Variants in THNSL1 observed in about 807,000 individuals in gnomAD.
THNSL1 encodes the protein threonine synthase like 1, also known as threonine synthase-like 1.
In THNSL1, 48 loss-of-function variants were observed where a neutral mutation model predicts 50.4. That is an observed-to-expected ratio of 0.95 (90% CI 0.76 to 1.21). THNSL1 has a LOEUF of 1.21. Among genes scored for constraint, THNSL1 ranks in the 50% most tolerant of loss-of-function variants. The pLI is 0.00. For missense variants in THNSL1, 896 were observed against 871.7 expected (o/e 1.03, Z -0.35); for synonymous variants, 309 against 306.1 (o/e 1.01, Z -0.10).
chr10:24,952,639 C>A, the THNSL1 span: 1 of 518,272 alleles, frequency 1.9e-6, no homozygotes, highest in Middle Eastern at 5.2e-4. The surrounding 1 kb of genome is among the most constrained non-coding windows in gnomAD (Gnocchi z 5.1). Context: ...GCGAAGGCTG[C>A]GTGGGGGATG....
At chr10:24,988,355 T>C in the THNSL1 span, among the ~76,000 whole-genome samples, 2 of 145,318 alleles carry the variant, frequency 1.4e-5, no homozygotes, top group Non-Finnish European at 3.0e-5. Context: ...TATTTATATA[T>C]GTGTATATAT....
At chr10:24,992,455 C>G in the THNSL1 span, among the ~76,000 whole-genome samples, 1 of 152,272 alleles carries the variant, frequency 6.6e-6, no homozygotes, top group Admixed American at 6.5e-5. Context: ...ACAACACTTT[C>G]CTGTGTTGTC....
the THNSL1 span, among the ~76,000 whole-genome samples, chr10:24,988,344 ATATT>A: frequency 2.7e-5 from 4 of 145,636 alleles, no homozygotes; most frequent in East Asian, 7.8e-4. Context: ...GTGTATATAT[ATATT>A]TATATATGTG....
chr10:24,955,776 T>A, the THNSL1 span, among the ~76,000 whole-genome samples: 1 of 151,958 alleles, frequency 6.6e-6, no homozygotes, highest in African/African-American at 2.4e-5. Flanking sequence ...TAAGACCACA[T>A]CACTATAAAA....
upstream of THNSL1, chr10:25,015,993 G>A: frequency 6.4e-7 from 1 of 1,571,962 alleles, no homozygotes; most frequent in Non-Finnish European, 8.6e-7. Flanking sequence ...CCCTGTCCCA[G>A]TATCTCCGTC....
chr10:24,976,295 T>TAGACTCTC, the THNSL1 span, among the ~76,000 whole-genome samples: 1 of 151,964 alleles, frequency 6.6e-6, no homozygotes, highest in South Asian at 2.1e-4. Context: ...AATAAACAAG[T>TAGACTCTC]AGACTCTCAG....
In THNSL1 at chr10:25,024,687, T is replaced by A; in HGVS notation, c.1464T>A (p.Leu488=). The change falls in exon 3 of 3, where the codon CTT becomes CTA. Residue 488 remains leucine (L), a synonymous_variant. Coordinates refer to ENST00000376356, the MANE Select transcript of THNSL1 (RefSeq NM_024838.5). The part of the protein sequence containing the change: ...PQVVYHASAY[L]DLVSQGFISF... The stretch of plus-strand genomic sequence containing the variant: ...TAGTTTATCATGCTTCCGCATATCT[T>A]GATCTTGTTAGTCAAGGATTTATTT... 3.1e-6 allele frequency: 5 copies of A among 1,614,256 alleles called. No individual in the cohort carries two copies. Among genetic ancestry groups the A allele is most frequent in the Non-Finnish European group, 3.4e-6 (4 of 1,180,038 alleles).
chr10:25,008,627 T>A, the THNSL1 span, among the ~76,000 whole-genome samples: 3 of 152,342 alleles, frequency 2.0e-5, no homozygotes, highest in South Asian at 6.2e-4. Context: ...AAACAAAAAC[T>A]AATGCTGTTC....
At chr10:24,964,274 T>C in the THNSL1 span, among the ~76,000 whole-genome samples, 28 of 152,330 alleles carry the variant, frequency 1.8e-4, no homozygotes, top group East Asian at 3.5e-3. Context: ...CTCAGCTGTT[T>C]CCTACTCTGT....
the THNSL1 span, among the ~76,000 whole-genome samples, chr10:24,956,209 G>A: frequency 1.3e-5 from 2 of 151,900 alleles, no homozygotes; most frequent in African/African-American, 4.8e-5. Flanking sequence ...ATGTCGCAGG[G>A]GTTAGGTGTA....
chr10:24,958,553 C>A, the THNSL1 span, among the ~76,000 whole-genome samples: 3 of 152,320 alleles, frequency 2.0e-5, no homozygotes, highest in East Asian at 5.8e-4. Flanking sequence ...CATTAGTATT[C>A]AATTAGCATA....
At chr10:24,988,727 T>C in the THNSL1 span, among the ~76,000 whole-genome samples, 1 of 71,888 alleles carries the variant, frequency 1.4e-5, no homozygotes, top group African/African-American at 5.7e-5. Flanking sequence ...TATATATATA[T>C]TCCTCATTTT....
the THNSL1 span, among the ~76,000 whole-genome samples, chr10:24,956,847 G>T: frequency 2.6e-5 from 4 of 152,134 alleles, no homozygotes; most frequent in Non-Finnish European, 5.9e-5. Flanking sequence ...TCCCACCTGA[G>T]CTCTGCCCCT....
the THNSL1 span, among the ~76,000 whole-genome samples, chr10:24,986,943 T>A: frequency 6.6e-6 from 1 of 152,150 alleles, no homozygotes. Flanking sequence ...TTGGAAAAAA[T>A]TCAGACAGGG....
chr10:24,960,775 A>T, the THNSL1 span, among the ~76,000 whole-genome samples: 1 of 151,648 alleles, frequency 6.6e-6, no homozygotes, highest in African/African-American at 2.4e-5. Context: ...TTTTTAATGG[A>T]GACAGGGTCT....
At chr10:24,953,892 T>C in the THNSL1 span, among the ~76,000 whole-genome samples, 1 of 152,232 alleles carries the variant, frequency 6.6e-6, no homozygotes, top group African/African-American at 2.4e-5. Context: ...GCTCTTCATG[T>C]CGTTTCTAAG....
chr10:25,013,967 A>C (rs201914806), upstream of THNSL1, among the ~76,000 whole-genome samples: 1 of 148,604 alleles, frequency 6.7e-6, no homozygotes, highest in Non-Finnish European at 1.5e-5. Context: ...TAAAAAAAAA[A>C]GGGTGACAGA....
chr10:24,966,757 T>C, the THNSL1 span, among the ~76,000 whole-genome samples: 1 of 152,166 alleles, frequency 6.6e-6, no homozygotes, highest in African/African-American at 2.4e-5. Context: ...GATGGTGAGA[T>C]CTTGGACAAT....
the THNSL1 span, among the ~76,000 whole-genome samples, chr10:25,009,038 T>C: frequency 6.6e-6 from 1 of 151,954 alleles, no homozygotes; most frequent in Non-Finnish European, 1.5e-5. Flanking sequence ...TTCTCACTCA[T>C]AGGTGGGAAT....
Sources: allele counts gnomAD v4.1 joint callset (sites outside exome capture counted in the v4.1 genomes callset), GRCh38; gene constraint gnomAD v4.1.1; non-coding constraint Gnocchi (gnomAD v3.1); transcripts MANE v1.5; gene names NCBI Gene and HGNC (gene_info 2026-07-23, HGNC 2026-07-21).